The following SREK1IP1 variants were observed in gnomAD, a reference collection of about 807,000 sequenced individuals.
The protein encoded by SREK1IP1 is SREK1 interacting protein 1.
Under a neutral mutation model 22.8 loss-of-function variants are expected in SREK1IP1, and 12 were observed. The ratio of observed to expected loss-of-function variants is 0.53; its 90% CI spans 0.34 to 0.85. The LOEUF (loss-of-function observed/expected upper bound fraction) is 0.85, where lower values mean the gene tolerates loss of function less well. SREK1IP1 is among the 40% of genes least tolerant of loss of function. The pLI, the probability that SREK1IP1 is intolerant of heterozygous loss-of-function variation, is 0.02. For synonymous variants in SREK1IP1, 53 were observed against 52.7 expected (o/e 1.01, Z -0.02); for missense variants, 147 against 171.8 (o/e 0.86, Z 0.81).
At chr5:64,733,692 A>C (rs1742413933) in intron 3 of SREK1IP1, among the ~76,000 whole-genome samples, 1 of 152,138 alleles carries the variant, frequency 6.6e-6, no homozygotes, top group Non-Finnish European at 1.5e-5. Context: ...CGTTCACCCA[A>C]ATCCTGTTTA....
intron 2 of SREK1IP1, among the ~76,000 whole-genome samples, chr5:64,745,385 G>A (rs2112100320): frequency 6.6e-6 from 1 of 152,256 alleles, no homozygotes; most frequent in African/African-American, 2.4e-5. Context: ...GAGTCCAAGA[G>A]TTCAAGACCA....
At chr5:64,739,787 C>T (rs1320889434) in intron 3 of SREK1IP1, among the ~76,000 whole-genome samples, 1 of 151,996 alleles carries the variant, frequency 6.6e-6, no homozygotes, top group Non-Finnish European at 1.5e-5. Context: ...TATGATATGA[C>T]TCTTGTTTGC....
chr5:64,757,840 C>T (rs1171211112), intron 1 of SREK1IP1, among the ~76,000 whole-genome samples: 2 of 135,364 alleles, frequency 1.5e-5, no homozygotes, highest in African/African-American at 2.7e-5. Flanking sequence ...AACTGTGCTA[C>T]TGTTTCTATT....
In SREK1IP1 at chr5:64,728,143, C is replaced by CT; in HGVS notation, c.241dup (p.Ser81LysfsTer21). ...TTTTTTCAATTTGATTTTTTCTTTG[C>CT]TTTTTTCTTTCTTCTTTTCCTCTTC... On this transcript the variant is annotated frameshift_variant, in exon 4 of 5. Coordinates refer to ENST00000513458, the MANE Select transcript of SREK1IP1 (RefSeq NM_173829.4). LOFTEE classifies it high-confidence loss of function. The CT allele has an allele frequency of 7.1e-7, 1 of 1,413,384 alleles. No individual in the cohort carries two copies. Among genetic ancestry groups the CT allele is most frequent in the East Asian group, 2.8e-5 (1 of 35,140 alleles). 87.6% of individuals were successfully genotyped at this position (1,413,384 alleles called of 1,614,324 possible).
At chr5:64,756,368 A>C (rs1208753709) in intron 1 of SREK1IP1, among the ~76,000 whole-genome samples, 2 of 152,102 alleles carry the variant, frequency 1.3e-5, no homozygotes, top group African/African-American at 2.4e-5. Flanking sequence ...TTCTGTCTCT[A>C]TGAGTTTGTC....
At chr5:64,726,702 GT>G (rs1742273636) in intron 4 of SREK1IP1, among the ~76,000 whole-genome samples, 1 of 151,892 alleles carries the variant, frequency 6.6e-6, no homozygotes, top group Admixed American at 6.6e-5. Flanking sequence ...ATAGCTTAAC[GT>G]GGCTGCCCTT....
Position 64,754,346 on chromosome 5 carries a change from A to T in SREK1IP1, c.30T>A (p.Ser10Arg), listed in dbSNP as rs1257937234. 4 of 1,613,980 alleles carry T rather than the reference A, an allele frequency of 2.5e-6. No homozygotes were observed. Among genetic ancestry groups the T allele is most frequent in the Non-Finnish European group, 3.4e-6 (4 of 1,179,868 alleles). The change falls in exon 2 of 5, where the codon AGT becomes AGA. Residue 10 changes from serine to arginine, a missense_variant. Transcript: ENST00000513458. ...CACATTTTTTACAGCCTGCTCTGAC[A>T]CTGTCCTTGTTGCAACCTGAAATAC... MAVPGCNKD[S>R]VRAGCKKCGY...
At chr5:64,727,553 A>ATATATATATATATATATTTTTT in intron 4 of SREK1IP1, 2 of 84,716 alleles carry the variant, frequency 2.4e-5, no homozygotes, top group African/African-American at 1.1e-4. Context: ...ATATATATAT[A>ATATATATATATATATATTTTTT]TTTTTTTTTT....
chr5:64,752,841 G>C (rs980804663), intron 2 of SREK1IP1, among the ~76,000 whole-genome samples: 1 of 152,120 alleles, frequency 6.6e-6, no homozygotes, highest in Non-Finnish European at 1.5e-5. Context: ...TGTAAATTGA[G>C]AAGACCTTCA....
chr5:64,759,501 T>C (rs1191321207), intron 1 of SREK1IP1, among the ~76,000 whole-genome samples: 1 of 152,138 alleles, frequency 6.6e-6, no homozygotes, highest in Non-Finnish European at 1.5e-5. Flanking sequence ...AAAGGCATTA[T>C]ATAAAAACTT....
At chr5:64,724,988 T>C (rs1056290635) in intron 4 of SREK1IP1, among the ~76,000 whole-genome samples, 1 of 152,006 alleles carries the variant, frequency 6.6e-6, no homozygotes, top group African/African-American at 2.4e-5. Context: ...CAATTCTCTA[T>C]TTTAAAGGGC....
chr5:64,760,737 T>C (rs1580559674), intron 1 of SREK1IP1, among the ~76,000 whole-genome samples: 1 of 151,808 alleles, frequency 6.6e-6, no homozygotes, highest in East Asian at 1.9e-4. Context: ...TTGTTTTCTC[T>C]AAATAAATCT....
chr5:64,762,895 T>G (rs1742974665), intron 1 of SREK1IP1, among the ~76,000 whole-genome samples: 1 of 151,466 alleles, frequency 6.6e-6, no homozygotes, highest in East Asian at 1.9e-4. Flanking sequence ...CTACTAAAAT[T>G]CCAAAAATTA....
chr5:64,749,176 A>G (rs1742700074), intron 2 of SREK1IP1, among the ~76,000 whole-genome samples: 1 of 151,328 alleles, frequency 6.6e-6, no homozygotes, highest in Non-Finnish European at 1.5e-5. Context: ...ACACACACAC[A>G]AAAACCCTCT....
At chr5:64,749,866 A>G (rs1289702349) in intron 2 of SREK1IP1, among the ~76,000 whole-genome samples, 5 of 152,158 alleles carry the variant, frequency 3.3e-5, no homozygotes, top group Admixed American at 6.5e-5. Flanking sequence ...GCGCTCACAT[A>G]GTGTTGCCAC....
At chr5:64,724,709 T>C (rs780833593) in intron 4 of SREK1IP1, 136 bp from the exon 5 acceptor site, 3 of 667,622 alleles carry the variant, frequency 4.5e-6, no homozygotes, top group Non-Finnish European at 7.0e-6. Context: ...ATGCTTCATA[T>C]ATTTGCATTC....
At chr5:64,754,857 G>A (rs1367204189) in intron 1 of SREK1IP1, 1 of 151,876 alleles carries the variant, frequency 6.6e-6, no homozygotes, top group Non-Finnish European at 1.5e-5. Flanking sequence ...TCAACAGAAA[G>A]GCCAATTTAC....
chr5:64,748,234 AAGTC>A (rs1742677536), intron 2 of SREK1IP1, among the ~76,000 whole-genome samples: 2 of 152,268 alleles, frequency 1.3e-5, no homozygotes, highest in African/African-American at 4.8e-5. Context: ...TAAGGGAAAT[AAGTC>A]AGACACAAAA....
chr5:64,754,306 A>C lies in SREK1IP1; in HGVS notation c.61+9T>G, dbSNP rs1179461383. ...TAATGCAAAGCATGTCATCTTTTAG[A>C]ATACTTACGGTAGCCACATTTTTTA... On this transcript the variant is annotated intron_variant, in intron 2 of 4. Transcript: ENST00000513458. 6.2e-7 allele frequency: 1 copy of C among 1,613,574 alleles called. No individual in the cohort carries two copies. The highest frequency in any genetic ancestry group is 1.7e-5 in the Admixed American group (1 of 60,020).
Sources: allele counts gnomAD v4.1 joint callset (sites outside exome capture counted in the v4.1 genomes callset), GRCh38; gene constraint gnomAD v4.1.1; transcripts MANE v1.5; gene names NCBI Gene and HGNC (gene_info 2026-07-23, HGNC 2026-07-21).